Variants in MAF observed in about 807,000 individuals in gnomAD.
MAF encodes the protein MAF bZIP transcription factor.
In MAF, 10 loss-of-function variants were observed where a neutral mutation model predicts 22.0. The ratio of observed to expected loss-of-function variants is 0.45; its 90% CI spans 0.28 to 0.77. The LOEUF is 0.77. Ranked by LOEUF, MAF falls within the 30% of genes least tolerant of loss-of-function variation. The pLI, the probability that MAF is intolerant of heterozygous loss-of-function variation, is 0.12. For synonymous variants in MAF, 337 were observed against 255.8 expected (o/e 1.32, Z -3.03); for missense variants, 544 against 548.4 (o/e 0.99, Z 0.08).
chr16:79,415,802 C>T, the MAF span, among the ~76,000 whole-genome samples: 2 of 151,798 alleles, frequency 1.3e-5, no homozygotes, highest in Non-Finnish European at 2.9e-5. Flanking sequence ...TTAAAAATCC[C>T]GGAGCCTCAG....
the MAF span, among the ~76,000 whole-genome samples, chr16:79,471,376 G>C: frequency 1.3e-5 from 2 of 152,188 alleles, no homozygotes; most frequent in Non-Finnish European, 2.9e-5. Flanking sequence ...CTAAGGTTTA[G>C]GCAGAGCACA....
chr16:79,405,828 G>C, the MAF span, among the ~76,000 whole-genome samples: 2 of 152,152 alleles, frequency 1.3e-5, no homozygotes, highest in African/African-American at 2.4e-5. Context: ...TGGAGAGAAA[G>C]AACTTTGGAC....
chr16:79,373,251 T>C, the MAF span, among the ~76,000 whole-genome samples: 5 of 152,002 alleles, frequency 3.3e-5, no homozygotes, highest in Admixed American at 2.6e-4. Context: ...TGTGGTAGTA[T>C]TGACAGGTGG....
At chr16:79,232,839 T>C in the MAF span, among the ~76,000 whole-genome samples, 90 of 97,886 alleles carry the variant, frequency 9.2e-4, no homozygotes, top group African/African-American at 2.5e-3. Context: ...AAGCCATTCT[T>C]TTTTTTTTTT....
chr16:79,572,093 C>A, the MAF span, among the ~76,000 whole-genome samples: 1 of 152,206 alleles, frequency 6.6e-6, no homozygotes, highest in African/African-American at 2.4e-5. Flanking sequence ...CACCTCTAAG[C>A]TGCTGCTAAA....
At chr16:79,279,289 G>C in the MAF span, among the ~76,000 whole-genome samples, 3 of 152,120 alleles carry the variant, frequency 2.0e-5, no homozygotes, top group Non-Finnish European at 2.9e-5. Flanking sequence ...TGACCTCCTT[G>C]AGCTTCACTG....
At chr16:79,471,967 C>T in the MAF span, among the ~76,000 whole-genome samples, 2 of 152,142 alleles carry the variant, frequency 1.3e-5, no homozygotes, top group Non-Finnish European at 2.9e-5. Context: ...ATGCGTAAGA[C>T]AAAGTGTAGC....
chr16:79,246,317 A>C, the MAF span, among the ~76,000 whole-genome samples: 1 of 152,168 alleles, frequency 6.6e-6, no homozygotes, highest in Non-Finnish European at 1.5e-5. Context: ...CATCTGTTTG[A>C]AAAGAGTTTA....
At chr16:79,369,812 C>A in the MAF span, among the ~76,000 whole-genome samples, 6 of 152,206 alleles carry the variant, frequency 3.9e-5, no homozygotes, top group African/African-American at 2.4e-5. Context: ...AATCTCAAAT[C>A]GTGAAAACTT....
At chr16:79,422,414 G>A in the MAF span, among the ~76,000 whole-genome samples, 9 of 152,162 alleles carry the variant, frequency 5.9e-5, no homozygotes, top group South Asian at 4.1e-4. Context: ...ACTCTCTGTA[G>A]AGTCCCGGGG....
chr16:79,587,684 TGATA>T (rs1427464729), intron 1 of MAF, among the ~76,000 whole-genome samples: 1 of 152,112 alleles, frequency 6.6e-6, no homozygotes, highest in African/African-American at 2.4e-5. Context: ...ACCATATCAT[TGATA>T]GTCTCCGTTA....
chr16:79,593,782 T>C (rs30409), downstream of MAF: 2 of 128,138 alleles, frequency 1.6e-5, no homozygotes, highest in Non-Finnish European at 3.4e-5. Context: ...AGGTGATTTT[T>C]TTTTTTTTGA....
At chr16:79,558,100 A>G in the MAF span, among the ~76,000 whole-genome samples, 2 of 152,132 alleles carry the variant, frequency 1.3e-5, no homozygotes, top group Admixed American at 1.3e-4. Context: ...AACCAACAGG[A>G]GACCATCACA....
At chr16:79,256,267 T>C in the MAF span, among the ~76,000 whole-genome samples, 5 of 151,748 alleles carry the variant, frequency 3.3e-5, no homozygotes, top group African/African-American at 1.2e-4. Flanking sequence ...GGATTACAGG[T>C]GTGAGTCATT....
At chr16:79,383,571 A>G in the MAF span, among the ~76,000 whole-genome samples, 1 of 152,188 alleles carries the variant, frequency 6.6e-6, no homozygotes, top group African/African-American at 2.4e-5. Context: ...CTTTGATCTC[A>G]AGAAGCCATG....
chr16:79,599,870 G>C lies in MAF; in HGVS notation c.33C>G (p.Asp11Glu), dbSNP rs1441481776. MASELAMSNSDLPTSPLAMEY... is the reference protein window; with the variant it reads MASELAMSNSELPTSPLAMEY... ...CCATGGCCAGGGGACTGGTGGGCAGGTCGGAGTTGCTCATTGCCAGTTCTG... is the reference window on the plus strand; with the variant it reads ...CCATGGCCAGGGGACTGGTGGGCAGCTCGGAGTTGCTCATTGCCAGTTCTG... Residue 11 changes from aspartate to glutamate, a missense_variant, in exon 1 of 2, where the codon GAC (aspartate) becomes GAG (glutamate). This residue lies in a region of MAF where 63 missense variants were observed against 72.7 expected (regional missense o/e 0.87). Coordinates refer to ENST00000326043, the MANE Select transcript of MAF (RefSeq NM_005360.5). 4.4e-6 allele frequency: 7 copies of C among 1,607,170 alleles called. No individual in the cohort carries two copies. Among genetic ancestry groups the C allele is most frequent in the Non-Finnish European group, 5.9e-6 (7 of 1,179,828 alleles).
At chr16:79,277,229 T>G in the MAF span, among the ~76,000 whole-genome samples, 1 of 152,152 alleles carries the variant, frequency 6.6e-6, no homozygotes, top group African/African-American at 2.4e-5. Context: ...TAACCTCATC[T>G]TAACCTGATT....
the MAF span, among the ~76,000 whole-genome samples, chr16:79,541,875 T>A: frequency 6.6e-6 from 1 of 152,090 alleles, no homozygotes; most frequent in East Asian, 1.9e-4. Context: ...AGACTGGCCT[T>A]GAACACCTCA....
the MAF span, among the ~76,000 whole-genome samples, chr16:79,221,970 A>G: frequency 4.5e-4 from 68 of 152,278 alleles, no homozygotes; most frequent in African/African-American, 1.6e-3. Flanking sequence ...ACAGACAGAG[A>G]AACGTTTTTC....
Sources: gnomAD v4.1 joint callset for allele counts (sites outside exome capture counted in the v4.1 genomes callset) on GRCh38, gnomAD v4.1.1 for gene constraint, gnomAD v4.1.1 regional missense constraint, MANE v1.5 for transcripts, NCBI Gene and HGNC (gene_info 2026-07-23, HGNC 2026-07-21) for gene names.